Variants in TP53I13 observed in about 807,000 individuals in gnomAD.
TP53I13 encodes the protein tumor protein p53 inducible protein 13, also known as tumor protein p53-inducible protein 13.
A neutral mutation model predicts 39.1 loss-of-function variants in TP53I13; 27 were observed. The ratio of observed to expected loss-of-function variants is 0.69; its 90% CI spans 0.51 to 0.95. The LOEUF (loss-of-function observed/expected upper bound fraction) is 0.95, where lower values mean the gene tolerates loss of function less well. TP53I13 is among the 40% of genes least tolerant of loss of function. The pLI, the probability that TP53I13 is intolerant of heterozygous loss-of-function variation, is 0.00. For missense variants in TP53I13, 544 were observed against 520.4 expected (o/e 1.05, Z -0.44); for synonymous variants, 230 against 224.6 (o/e 1.02, Z -0.22).
chr17:29,567,402 G>A (rs1420429261), upstream of TP53I13: 1 of 152,020 alleles, frequency 6.6e-6, no homozygotes, highest in Non-Finnish European at 1.5e-5. The surrounding 1 kb of genome is among the most constrained non-coding windows in gnomAD (Gnocchi z 6.6). Flanking sequence ...AAAAGAAGCA[G>A]AAGGGAGAGG....
chr17:29,566,887 C>T, upstream of TP53I13: 4 of 1,494,422 alleles, frequency 2.7e-6, no homozygotes, highest in Non-Finnish European at 3.5e-6. Flanking sequence ...CCCCCAGGGT[C>T]CCCGGAGCCG....
In TP53I13 at chr17:29,568,701, G is replaced by C; in HGVS notation, c.-58G>C. 2 of 1,171,766 alleles carry C rather than the reference G, an allele frequency of 1.7e-6. No homozygotes were observed. The allele number at this position is 1,171,766 out of a possible 1,614,324, so 72.6% of individuals were successfully genotyped here. On this transcript the variant is annotated 5_prime_UTR_variant, in exon 1 of 7. Transcript: ENST00000301057. The surrounding 1 kb of genome is among the most constrained non-coding windows in gnomAD (Gnocchi z 4.5). ...CGCTGGGGCTGGAGGGGCGGGGCGC[G>C]CGCGCTCCCTCGCTGGCGGAGCGGC...
the TP53I13 span, among the ~76,000 whole-genome samples, chr17:29,579,801 CT>C: frequency 3.9e-5 from 6 of 152,158 alleles, no homozygotes; most frequent in Admixed American, 2.6e-4. Context: ...ATGCTGTCAT[CT>C]CCATTTCCAG....
downstream of TP53I13, chr17:29,574,326 C>T (rs1181696175): frequency 1.1e-5 from 3 of 279,158 alleles, no homozygotes; most frequent in Non-Finnish European, 7.0e-6. Context: ...GCTGAACTGG[C>T]TCATGGGGGT....
downstream of TP53I13, among the ~76,000 whole-genome samples, chr17:29,577,479 T>A: frequency 6.6e-6 from 1 of 152,056 alleles, no homozygotes; most frequent in South Asian, 2.1e-4. Flanking sequence ...CCCCAAGTGC[T>A]CAAAACAACA....
the TP53I13 span, chr17:29,578,181 T>A: frequency 1.2e-6 from 1 of 829,966 alleles, no homozygotes; most frequent in Non-Finnish European, 2.1e-6. Flanking sequence ...GGGGCTCATC[T>A]GCAGGCCTCT....
At chr17:29,579,564 A>G in the TP53I13 span, among the ~76,000 whole-genome samples, 2 of 152,122 alleles carry the variant, frequency 1.3e-5, no homozygotes. Context: ...TGGGCAACAC[A>G]GAGATACAAA....
At chr17:29,575,802 G>C, downstream of TP53I13, 1 of 1,613,198 alleles carries the variant, frequency 6.2e-7, no homozygotes. The surrounding 1 kb of genome is among the most constrained non-coding windows in gnomAD (Gnocchi z 5.5). Flanking sequence ...ACTGGGCATG[G>C]AAACATTACC....
the TP53I13 span, chr17:29,581,694 GC>G: frequency 1.3e-6 from 2 of 1,482,240 alleles, no homozygotes; most frequent in Non-Finnish European, 9.3e-7. This position sits in a 1 kb window ranked among gnomAD's most constrained non-coding sequence, Gnocchi z 4.8. Context: ...CACCTGCCCA[GC>G]CCCAGCCAGG....
chr17:29,569,287 G>A (rs376665167), intron 2 of TP53I13, 31 bp from the exon 3 acceptor site: 21 of 1,612,274 alleles, frequency 1.3e-5, no homozygotes, highest in Non-Finnish European at 1.8e-5. Context: ...TCCCCCAACT[G>A]CCCTAAGCTC....
downstream of TP53I13, chr17:29,576,420 G>C (rs2033203452): frequency 1.2e-6 from 2 of 1,612,928 alleles, no homozygotes; most frequent in South Asian, 2.2e-5. Context: ...GGCTGCCGGA[G>C]CTGCAGGTTC....
Position 29,572,429 on chromosome 17 carries a change from A to G in TP53I13, c.801A>G (p.Thr267=). The G allele has an allele frequency of 2.5e-6, 4 of 1,584,490 alleles. No homozygotes were observed. The highest frequency in any genetic ancestry group is 2.6e-6 in the Non-Finnish European group (3 of 1,161,906). The stretch of plus-strand genomic sequence containing the variant: ...CTGGAGGCAATGCCAGCTCCAGGAC[A>G]GAGGCTCAGGTGCCCAACGGGCAAG... The part of the protein sequence containing the change: ...GAPGGNASSR[T]EAQVPNGQGS... The change falls in exon 6 of 7, where the codon ACA becomes ACG. Residue 267 remains threonine (T), a synonymous_variant. Coordinates refer to ENST00000301057, the MANE Select transcript of TP53I13 (RefSeq NM_138349.4).
upstream of TP53I13, chr17:29,567,404 AGG>A (rs1474574136): frequency 1.3e-5 from 2 of 151,802 alleles, no homozygotes; most frequent in Admixed American, 1.3e-4. The surrounding 1 kb of genome is among the most constrained non-coding windows in gnomAD (Gnocchi z 6.6). Context: ...AAGAAGCAGA[AGG>A]GAGAGGTGAG....
chr17:29,575,888 C>T, downstream of TP53I13: 1 of 1,608,264 alleles, frequency 6.2e-7, no homozygotes, highest in Non-Finnish European at 8.5e-7. This position sits in a 1 kb window ranked among gnomAD's most constrained non-coding sequence, Gnocchi z 5.5. Context: ...GGCAGACACC[C>T]CTTTCCGGAT....
At chr17:29,566,799 C>A, upstream of TP53I13, 1 of 1,513,582 alleles carries the variant, frequency 6.6e-7, no homozygotes, top group Non-Finnish European at 8.8e-7. Context: ...TGAACTGGTC[C>A]GCCGGGCCTC....
At chr17:29,576,865 G>T (rs745850448), downstream of TP53I13, 1 of 1,575,138 alleles carries the variant, frequency 6.3e-7, no homozygotes, top group Admixed American at 1.9e-5. Flanking sequence ...ACTCAGACCC[G>T]GGCCCGGTTG....
Position 29,568,921 on chromosome 17 carries a change from G to C in TP53I13, c.72+91G>C. 6.3e-7 allele frequency: 1 copy of C among 1,595,948 alleles called. No individual in the cohort carries two copies. Among genetic ancestry groups the C allele is most frequent in the East Asian group, 2.2e-5 (1 of 44,656 alleles). On this transcript the variant is annotated intron_variant, in intron 1 of 6. Transcript: ENST00000301057. The surrounding 1 kb of genome is among the most constrained non-coding windows in gnomAD (Gnocchi z 4.5). ...CCTGGAAGGAGTGGCGCGCCGAGGG[G>C]GACGCGGAGTTCTTCCGCTGGCGGG...
chr17:29,575,019 C>T, downstream of TP53I13: 1 of 1,490,238 alleles, frequency 6.7e-7, no homozygotes. The surrounding 1 kb of genome is among the most constrained non-coding windows in gnomAD (Gnocchi z 5.5). Flanking sequence ...AGATGGGATT[C>T]TCCACGCCTG....
At chr17:29,571,537 G>C in intron 3 of TP53I13, 54 bp from the exon 4 acceptor site, 1 of 1,604,758 alleles carries the variant, frequency 6.2e-7, no homozygotes, top group South Asian at 1.1e-5. Flanking sequence ...GAGAACTTGA[G>C]ATTCTCTGGG....
Sources: allele counts gnomAD v4.1 joint callset (sites outside exome capture counted in the v4.1 genomes callset), GRCh38; gene constraint gnomAD v4.1.1; non-coding constraint Gnocchi (gnomAD v3.1); transcripts MANE v1.5; gene names NCBI Gene and HGNC (gene_info 2026-07-23, HGNC 2026-07-21).